Variants in WDR72 observed in about 807,000 individuals in gnomAD.
WDR72 encodes WD repeat-containing protein 72.
WDR72 carries 120 observed loss-of-function variants against 124.2 expected under a neutral mutation model. The ratio of observed to expected loss-of-function variants is 0.97; its 90% CI spans 0.83 to 1.12. The LOEUF (loss-of-function observed/expected upper bound fraction) is 1.12. Ranked by LOEUF, WDR72 falls within the 50% of genes most tolerant of loss-of-function variation. WDR72 has a pLI of 0.00. For missense variants in WDR72, 1,387 were observed against 1,278.8 expected, an observed-to-expected ratio of 1.08 and a Z score of -1.29; for synonymous variants, 452 against 441.7, an observed-to-expected ratio of 1.02 and a Z score of -0.29.
chr15:53,762,626 C>T (rs2019079786), upstream of WDR72: 1 of 152,266 alleles, frequency 6.6e-6, no homozygotes, highest in Non-Finnish European at 1.5e-5. Context: ...CCACACATCC[C>T]CTCATCCCCA....
At chr15:53,556,826 T>C (rs1313162030) in intron 18 of WDR72, among the ~76,000 whole-genome samples, 1 of 152,084 alleles carries the variant, frequency 6.6e-6, no homozygotes, top group African/African-American at 2.4e-5. Flanking sequence ...AAATTATGAG[T>C]ATAGCGCATG....
chr15:53,676,001 A>G (rs1049104986), intron 13 of WDR72, among the ~76,000 whole-genome samples: 1 of 152,188 alleles, frequency 6.6e-6, no homozygotes, highest in African/African-American at 2.4e-5. Flanking sequence ...TCCAGCAGGC[A>G]TGTCAGGATT....
At chr15:53,738,451 T>C (rs528705504) in intron 1 of WDR72, among the ~76,000 whole-genome samples, 2 of 152,216 alleles carry the variant, frequency 1.3e-5, no homozygotes, top group African/African-American at 4.8e-5. Flanking sequence ...CCTAAAAACA[T>C]CAAAATTAAT....
chr15:53,603,970 G>A (rs922368951), intron 17 of WDR72, among the ~76,000 whole-genome samples: 4 of 151,994 alleles, frequency 2.6e-5, no homozygotes, highest in Non-Finnish European at 5.9e-5. Flanking sequence ...CACATAACTA[G>A]AAAAAACTAT....
intron 18 of WDR72, among the ~76,000 whole-genome samples, chr15:53,568,525 T>A (rs1349437063): frequency 6.6e-6 from 1 of 152,056 alleles, no homozygotes; most frequent in Admixed American, 6.6e-5. Flanking sequence ...TGCTTCCCTG[T>A]ACATCTAGCA....
intron 1 of WDR72, among the ~76,000 whole-genome samples, chr15:53,740,180 A>G (rs2018469576): frequency 6.6e-6 from 1 of 152,298 alleles, no homozygotes; most frequent in Admixed American, 6.5e-5. Context: ...TCCGCTCTGC[A>G]TTGATGTCTC....
At chr15:53,589,274 ACACGAATTTCAGTTTGTATT>A (rs66633900) in intron 18 of WDR72, among the ~76,000 whole-genome samples, 46,860 of 151,376 alleles carry the variant, frequency 0.31, 7,984 homozygotes, top group Admixed American at 0.41. Context: ...CTCTCAGATA[ACACGAATTTCAGTTTGTATT>A]CACGAATTTC....
At chr15:53,643,927 T>A (rs1188078080) in intron 14 of WDR72, among the ~76,000 whole-genome samples, 1 of 152,154 alleles carries the variant, frequency 6.6e-6, no homozygotes, top group African/African-American at 2.4e-5. Context: ...ATTTTATCCA[T>A]GAAAAATGTG....
Position 53,692,680 on chromosome 15 carries a change from T to C in WDR72, c.1765+7070A>G, listed in dbSNP as rs368771004. 2.6e-5 allele frequency among the ~76,000 whole-genome samples: 4 copies of C among 152,296 alleles called. No homozygotes were observed. In the East Asian group the frequency reaches 5.8e-4, roughly 22 times the overall value. On this transcript the variant is annotated intron_variant, in intron 13 of 19. Transcript: ENST00000360509. ...ACTGCAAAGTTCATATACAACAGCA[T>C]GTGCATACACATGCAAACATACGCA...
intron 18 of WDR72, among the ~76,000 whole-genome samples, chr15:53,569,412 G>C (rs541355246): frequency 1.3e-5 from 2 of 152,142 alleles, no homozygotes; most frequent in Admixed American, 6.6e-5. Context: ...GGAGAAAAAT[G>C]CATCAGCCAC....
At chr15:53,669,423 C>G (rs1022058171) in intron 13 of WDR72, among the ~76,000 whole-genome samples, 4 of 152,258 alleles carry the variant, frequency 2.6e-5, no homozygotes, top group East Asian at 1.9e-4. Context: ...CAAGCTATCT[C>G]AAGTTCTAGG....
chr15:53,699,991 T>A (rs560497597), intron 12 of WDR72, 46 bp from the exon 13 acceptor site: 2 of 1,610,050 alleles, frequency 1.2e-6, no homozygotes, highest in Non-Finnish European at 8.5e-7. Flanking sequence ...TCAAATGCTT[T>A]CTTTATGAGT....
intron 19 of WDR72, 77 bp downstream of exon 19, chr15:53,523,141 C>A (rs1891889455): frequency 3.7e-6 from 5 of 1,347,588 alleles, no homozygotes; most frequent in Non-Finnish European, 3.2e-6. Flanking sequence ...TGTCCTCTCC[C>A]CTCACCCCCT....
chr15:53,573,897 C>A (rs1204928524), intron 18 of WDR72, among the ~76,000 whole-genome samples: 1 of 152,176 alleles, frequency 6.6e-6, no homozygotes, highest in Non-Finnish European at 1.5e-5. Context: ...CCTAGTTTTG[C>A]ATTTGTTTTT....
chr15:53,534,113 G>A (rs1892625220), intron 18 of WDR72, among the ~76,000 whole-genome samples: 1 of 152,114 alleles, frequency 6.6e-6, no homozygotes, highest in Admixed American at 6.5e-5. Flanking sequence ...TCAGAGGCCT[G>A]ACCCAGTGTG....
intron 18 of WDR72, among the ~76,000 whole-genome samples, chr15:53,545,441 G>T (rs1202209770): frequency 4.7e-5 from 7 of 150,256 alleles, no homozygotes; most frequent in Non-Finnish European, 1.0e-4. Context: ...AAACGGTGCT[G>T]GGAAAACTGG....
At chr15:53,626,122 G>C (rs147321857) in intron 14 of WDR72, among the ~76,000 whole-genome samples, 1 of 152,196 alleles carries the variant, frequency 6.6e-6, no homozygotes, top group Non-Finnish European at 1.5e-5. Flanking sequence ...CCAAGATGGT[G>C]GTGGGCAGCT....
At chr15:53,627,991 T>G (rs572865026) in intron 14 of WDR72, among the ~76,000 whole-genome samples, 1 of 152,218 alleles carries the variant, frequency 6.6e-6, no homozygotes, top group Non-Finnish European at 1.5e-5. Flanking sequence ...TACCACTTTC[T>G]ACTTTCTGCC....
chr15:53,521,706 G>T (rs1024726471), intron 19 of WDR72, among the ~76,000 whole-genome samples: 1 of 151,966 alleles, frequency 6.6e-6, no homozygotes, highest in African/African-American at 2.4e-5. Flanking sequence ...ATATAAAGCT[G>T]ATCTATTCTT....
Sources: gnomAD v4.1 joint callset for allele counts (sites outside exome capture counted in the v4.1 genomes callset) on GRCh38, gnomAD v4.1.1 for gene constraint, MANE v1.5 for transcripts, NCBI Gene and HGNC (gene_info 2026-07-23, HGNC 2026-07-21) for gene names.